Variants in DPYD observed in about 807,000 individuals in gnomAD.
DPYD encodes dihydropyrimidine dehydrogenase, also known as dihydropyrimidine dehydrogenase [NADP(+)].
Under a neutral mutation model 116.2 loss-of-function variants are expected in DPYD, and 109 were observed. The observed-to-expected ratio is 0.94, with a 90% CI of 0.80 to 1.10. The LOEUF is 1.10. Among genes scored for constraint, DPYD ranks in the 50% least tolerant of loss-of-function variants. The pLI, the probability that DPYD is intolerant of heterozygous loss-of-function variation, is 0.00. For missense variants in DPYD, 1,302 were observed against 1,254.5 expected, an observed-to-expected ratio of 1.04 and a Z score of -0.57; for synonymous variants, 440 against 432.0, an observed-to-expected ratio of 1.02 and a Z score of -0.23.
chr1:97,577,786 T>G (rs2102197781), intron 10 of DPYD, among the ~76,000 whole-genome samples: 1 of 152,194 alleles, frequency 6.6e-6, no homozygotes, highest in South Asian at 2.1e-4. Context: ...CTATTATTTG[T>G]CTTGTTATAA....
At chr1:97,479,920 C>T (rs1182233242) in intron 13 of DPYD, among the ~76,000 whole-genome samples, 2 of 152,226 alleles carry the variant, frequency 1.3e-5, no homozygotes, top group African/African-American at 4.8e-5. Context: ...GCTTTAAATT[C>T]CCTTGCAGCT....
intron 5 of DPYD, among the ~76,000 whole-genome samples, chr1:97,705,631 T>C (rs1442728653): frequency 6.6e-6 from 1 of 152,074 alleles, no homozygotes; most frequent in Non-Finnish European, 1.5e-5. Flanking sequence ...TGATTTATAA[T>C]CCTTTGGGTA....
intron 2 of DPYD, among the ~76,000 whole-genome samples, chr1:97,868,703 G>A (rs1164829896): frequency 6.6e-6 from 1 of 151,772 alleles, no homozygotes; most frequent in Non-Finnish European, 1.5e-5. Flanking sequence ...GTTAGTAAAT[G>A]TAGAGACGAT....
At chr1:97,264,787 T>G (rs1664126233) in intron 18 of DPYD, among the ~76,000 whole-genome samples, 1 of 138,702 alleles carries the variant, frequency 7.2e-6, no homozygotes, top group Admixed American at 7.1e-5. Context: ...GACTCGAACC[T>G]GGGTCTGCTG....
intron 3 of DPYD, among the ~76,000 whole-genome samples, chr1:97,800,899 G>T (rs901588114): frequency 2.0e-5 from 3 of 151,872 alleles, no homozygotes; most frequent in African/African-American, 7.2e-5. Flanking sequence ...GTTCCAATCT[G>T]ATAACATTTC....
chr1:97,372,237 G>C (rs1401015881), intron 16 of DPYD, among the ~76,000 whole-genome samples: 1 of 152,074 alleles, frequency 6.6e-6, no homozygotes, highest in African/African-American at 2.4e-5. Flanking sequence ...AAAATACTTC[G>C]GTTCTGAGAT....
intron 3 of DPYD, among the ~76,000 whole-genome samples, chr1:97,783,118 G>T (rs1033764067): frequency 5.3e-5 from 8 of 152,122 alleles, no homozygotes; most frequent in African/African-American, 1.9e-4. Flanking sequence ...AACAGAAAAG[G>T]ATAAAAAATG....
In DPYD at chr1:97,290,985, T is replaced by C. The variant is rs575806947; in HGVS notation, c.2299+14274A>G. On this transcript the variant is annotated intron_variant, in intron 18 of 22. Transcript: ENST00000370192. The stretch of plus-strand genomic sequence containing the variant: ...AATCTACAATGAACTCAAACAAATT[T>C]ACAAGAAAAAACCAAACAACCCCAT... Among the ~76,000 whole-genome samples, 280 of 151,868 alleles carry C rather than the reference T, an allele frequency of 1.8e-3. 1 individual carries two copies. Among genetic ancestry groups the C allele is most frequent in the African/African-American group, 6.4e-3 (263 of 41,414 alleles).
At chr1:97,911,343 A>C (rs1427333496) in intron 1 of DPYD, among the ~76,000 whole-genome samples, 1 of 152,092 alleles carries the variant, frequency 6.6e-6, no homozygotes, top group Non-Finnish European at 1.5e-5. Flanking sequence ...GCTACATACA[A>C]ATTTTTCTCT....
intron 12 of DPYD, among the ~76,000 whole-genome samples, chr1:97,542,265 T>G (rs1650503076): frequency 6.6e-6 from 1 of 152,094 alleles, no homozygotes; most frequent in South Asian, 2.1e-4. Context: ...TAAAAAGGAG[T>G]TGCTGCACAG....
chr1:97,089,675 TG>T (rs1649756592), intron 21 of DPYD, among the ~76,000 whole-genome samples: 1 of 152,046 alleles, frequency 6.6e-6, no homozygotes, highest in Non-Finnish European at 1.5e-5. Context: ...CTTCATAATA[TG>T]GGCCATACGC....
chr1:97,761,312 C>A (rs747650673), intron 3 of DPYD, among the ~76,000 whole-genome samples: 12 of 151,916 alleles, frequency 7.9e-5, no homozygotes, highest in Non-Finnish European at 1.3e-4. Flanking sequence ...GAAAAAGGAG[C>A]AATCTGAAAA....
chr1:97,430,852 T>C (rs1225005532), intron 14 of DPYD, among the ~76,000 whole-genome samples: 1 of 152,144 alleles, frequency 6.6e-6, no homozygotes, highest in East Asian at 1.9e-4. Context: ...TTTTTATATC[T>C]ATCTATATCA....
intron 20 of DPYD, among the ~76,000 whole-genome samples, chr1:97,158,965 G>A (rs1050172050): frequency 1.6e-4 from 24 of 152,076 alleles, no homozygotes; most frequent in African/African-American, 5.8e-4. Flanking sequence ...AACAAAAATC[G>A]GGACTCTTAG....
intron 12 of DPYD, among the ~76,000 whole-genome samples, chr1:97,529,924 CTT>C (rs929729608): frequency 2.8e-5 from 4 of 143,640 alleles, no homozygotes; most frequent in South Asian, 2.2e-4. Flanking sequence ...TTTTCTTTCT[CTT>C]TCTTTCCTTC....
chr1:97,741,464 C>A (rs554702067), intron 3 of DPYD, among the ~76,000 whole-genome samples: 1 of 152,178 alleles, frequency 6.6e-6, no homozygotes, highest in African/African-American at 2.4e-5. Context: ...CCTGGGAATC[C>A]GCATTTTGAA....
chr1:97,394,097 GA>G (rs2101611992), intron 14 of DPYD: 1 of 152,216 alleles, frequency 6.6e-6, no homozygotes, highest in East Asian at 1.9e-4. Context: ...CTTCTTTTGA[GA>G]AGTGTCTGTT....
intron 20 of DPYD, among the ~76,000 whole-genome samples, chr1:97,120,604 G>A (rs1380768137): frequency 6.6e-6 from 1 of 152,072 alleles, no homozygotes; most frequent in Admixed American, 6.6e-5. Context: ...CCTATGCCAC[G>A]ACTTTACCTT....
intron 21 of DPYD, among the ~76,000 whole-genome samples, chr1:97,090,212 C>T (rs1399741771): frequency 6.6e-6 from 1 of 152,046 alleles, no homozygotes; most frequent in Non-Finnish European, 1.5e-5. Flanking sequence ...CTGTGCTTTG[C>T]AAACATACTG....
Sources: allele counts gnomAD v4.1 joint callset (sites outside exome capture counted in the v4.1 genomes callset), GRCh38; gene constraint gnomAD v4.1.1; transcripts MANE v1.5; gene names NCBI Gene and HGNC (gene_info 2026-07-23, HGNC 2026-07-21).